The following SHOC2 variants were observed in gnomAD, a reference collection of about 807,000 sequenced individuals.
SHOC2 encodes the protein leucine-rich repeat protein SHOC-2.
In SHOC2, 4 loss-of-function variants were observed where a neutral mutation model predicts 50.2. The ratio of observed to expected loss-of-function variants is 0.08; its 90% CI spans 0.04 to 0.18. The LOEUF (loss-of-function observed/expected upper bound fraction) is 0.18, where lower values mean the gene tolerates loss of function less well. Among genes scored for constraint, SHOC2 ranks in the 10% least tolerant of loss-of-function variants. SHOC2 has a pLI of 1.00. For synonymous variants in SHOC2, 218 were observed against 244.5 expected, an observed-to-expected ratio of 0.89 and a Z score of 1.01; for missense variants, 388 against 669.6, an observed-to-expected ratio of 0.58 and a Z score of 4.64.
At chr10:110,971,982 C>T (rs983107568) in intron 2 of SHOC2, among the ~76,000 whole-genome samples, 1 of 151,558 alleles carries the variant, frequency 6.6e-6, no homozygotes, top group Non-Finnish European at 1.5e-5. Flanking sequence ...AAAAGTTGAC[C>T]TTAAGAGATT....
intron 1 of SHOC2, chr10:110,937,059 G>T (rs767918734): frequency 1.3e-6 from 2 of 1,487,776 alleles, no homozygotes; most frequent in Non-Finnish European, 1.9e-6. Context: ...ATCCGCTTGC[G>T]GAGGAAAGCC....
chr10:110,990,714 T>C (rs1157576816), intron 3 of SHOC2, among the ~76,000 whole-genome samples: 1 of 151,890 alleles, frequency 6.6e-6, no homozygotes, highest in East Asian at 1.9e-4. Context: ...GAAGCTTTGT[T>C]CTTTCGCTCT....
At position 110,940,403 on chromosome 10, in the gene SHOC2, G is replaced by T. The variant is rs112995966; in HGVS notation, c.-235+20746G>T. ...TTAGAAAAGAAATGAATCATATTAG[G>T]AAGAAGGCACATCTTTAGGGTTAGG... On this transcript the variant is annotated intron_variant, in intron 1 of 8. Coordinates refer to ENST00000369452, the MANE Select transcript of SHOC2 (RefSeq NM_007373.4). 1.9e-3 allele frequency among the ~76,000 whole-genome samples: 285 copies of T among 152,186 alleles called. 1 individual carries two copies. Among genetic ancestry groups the T allele is most frequent in the African/African-American group, 5.8e-3 (241 of 41,524 alleles).
At chr10:110,996,537 AAAAG>A (rs1259248944) in intron 3 of SHOC2, among the ~76,000 whole-genome samples, 1 of 151,998 alleles carries the variant, frequency 6.6e-6, no homozygotes. Flanking sequence ...CTTAAAAAAA[AAAAG>A]AAATGATGAG....
At chr10:110,942,131 T>TCTGGAAAACA (rs59267372) in intron 1 of SHOC2, among the ~76,000 whole-genome samples, 1 of 151,378 alleles carries the variant, frequency 6.6e-6, no homozygotes, top group Non-Finnish European at 1.5e-5. Context: ...ACATTGGTCT[T>TCTGGAAAACA]CTGGCTCTTT....
At chr10:111,009,576 T>C (rs1848531031) in intron 7 of SHOC2, 137 bp from the exon 8 acceptor site, 1 of 791,402 alleles carries the variant, frequency 1.3e-6, no homozygotes, top group Non-Finnish European at 2.1e-6. Context: ...AAGAAAAATA[T>C]GTAATGTAAG....
intron 2 of SHOC2, among the ~76,000 whole-genome samples, chr10:110,968,764 G>A (rs981246200): frequency 9.2e-5 from 14 of 151,830 alleles, no homozygotes; most frequent in South Asian, 4.2e-4. Context: ...TTGCGCCACC[G>A]GACTTCAGCC....
intron 1 of SHOC2, chr10:110,937,124 C>T (rs756523006): frequency 3.8e-5 from 56 of 1,472,126 alleles, no homozygotes; most frequent in East Asian, 4.5e-5. Flanking sequence ...GCCTTTGCAG[C>T]GTACGACCAC....
rs1267333219 is a variant in SHOC2, at chr10:111,009,393, T to G, written c.1422+8T>G. On this transcript the variant is annotated splice_region_variant and intron_variant, in intron 7 of 8. Transcript: ENST00000369452. The stretch of plus-strand genomic sequence containing the variant: ...TATCTTAAGGATTTACAGGTAAACA[T>G]TATGCTGATTTTGTAGTTTTATAAA... 4 of 1,602,712 alleles carry G rather than the reference T, an allele frequency of 2.5e-6. No individual in the cohort carries two copies. The highest frequency in any genetic ancestry group is 3.3e-5 in the Admixed American group (2 of 59,890).
chr10:110,945,368 T>C (rs185638241), intron 1 of SHOC2, among the ~76,000 whole-genome samples: 75 of 152,314 alleles, frequency 4.9e-4, no homozygotes, highest in Non-Finnish European at 8.1e-4. Context: ...GCACTGGGAA[T>C]GTGAGCTGTC....
chr10:110,949,294 A>G (rs1847305951), intron 1 of SHOC2, among the ~76,000 whole-genome samples: 1 of 151,988 alleles, frequency 6.6e-6, no homozygotes, highest in Admixed American at 6.6e-5. Context: ...AAATGAGATA[A>G]TAAGAGACTA....
At chr10:110,928,389 A>G (rs1410196906) in intron 1 of SHOC2, among the ~76,000 whole-genome samples, 1 of 152,214 alleles carries the variant, frequency 6.6e-6, no homozygotes, top group Non-Finnish European at 1.5e-5. Context: ...GAAATTGATT[A>G]GAAACTATTA....
At position 111,004,466 on chromosome 10, in the gene SHOC2, T is replaced by G. The variant is rs368490100; in HGVS notation, c.973-140T>G. The G allele has an allele frequency of 7.7e-3, 5,121 of 663,208 alleles. 243 individuals are homozygous for G. The South Asian group carries it at 0.085, about 11-fold the overall frequency. The allele number at this position is 663,208 out of a possible 1,614,324, so 41.1% of individuals were successfully genotyped here. On this transcript the variant is annotated intron_variant, in intron 4 of 8. Transcript: ENST00000369452. ...TGTAGTGACTGTCCCTGTAGAGAAG[T>G]GTCACAGACTGCCCCAACCAGTCTC... is the stretch of plus-strand genomic sequence containing the variant.
At chr10:111,007,689 C>T in intron 6 of SHOC2, 36 bp downstream of exon 6, 1 of 1,605,792 alleles carries the variant, frequency 6.2e-7, no homozygotes. Flanking sequence ...ACTTCAGAAC[C>T]TTCCATACGT....
At chr10:110,944,916 GT>G (rs1847218649) in intron 1 of SHOC2, among the ~76,000 whole-genome samples, 1 of 152,200 alleles carries the variant, frequency 6.6e-6, no homozygotes, top group South Asian at 2.1e-4. Flanking sequence ...CAGCTGGGTA[GT>G]TGGCAACTCT....
intron 1 of SHOC2, among the ~76,000 whole-genome samples, chr10:110,941,835 A>T (rs890330760): frequency 6.6e-6 from 1 of 152,118 alleles, no homozygotes; most frequent in African/African-American, 2.4e-5. Flanking sequence ...ACGAATTACT[A>T]GTATTTGAAG....
At chr10:110,946,588 A>G (rs758133459) in intron 1 of SHOC2, among the ~76,000 whole-genome samples, 22 of 152,142 alleles carry the variant, frequency 1.4e-4, no homozygotes, top group Non-Finnish European at 2.8e-4. Flanking sequence ...GAGATATTTG[A>G]GCAGGGAACA....
At chr10:111,001,693 G>A (rs931140337) in intron 4 of SHOC2, among the ~76,000 whole-genome samples, 3 of 152,104 alleles carry the variant, frequency 2.0e-5, no homozygotes, top group African/African-American at 7.2e-5. Flanking sequence ...GTTTTGACTT[G>A]GTAGTTTTTC....
intron 3 of SHOC2, among the ~76,000 whole-genome samples, chr10:110,988,437 T>C (rs935040129): frequency 3.9e-5 from 6 of 152,138 alleles, no homozygotes; most frequent in Non-Finnish European, 5.9e-5. Context: ...CATATGGGTC[T>C]TTCAAGGAAT....
Sources: gnomAD v4.1 joint callset for allele counts (sites outside exome capture counted in the v4.1 genomes callset) on GRCh38, gnomAD v4.1.1 for gene constraint, MANE v1.5 for transcripts, NCBI Gene and HGNC (gene_info 2026-07-23, HGNC 2026-07-21) for gene names.